The following EPHA6 variants were observed in gnomAD, a reference collection of about 807,000 sequenced individuals.
EPHA6 encodes the protein ephrin type-A receptor 6.
In EPHA6, 50 loss-of-function variants were observed where a neutral mutation model predicts 112.0. The observed-to-expected ratio is 0.45, with a 90% CI of 0.36 to 0.56. The LOEUF is 0.56. Ranked by LOEUF, EPHA6 falls within the 20% of genes least tolerant of loss-of-function variation. EPHA6 has a pLI of 0.00. For missense variants in EPHA6, 1,280 were observed against 1,417.4 expected (o/e 0.90, Z 1.56); for synonymous variants, 529 against 490.7 (o/e 1.08, Z -1.03).
At chr3:97,476,168 G>C (rs1361747299) in intron 8 of EPHA6, among the ~76,000 whole-genome samples, 1 of 152,020 alleles carries the variant, frequency 6.6e-6, no homozygotes, top group African/African-American at 2.4e-5. Flanking sequence ...AAGAATAAAT[G>C]TTATTTCTTA....
At chr3:96,991,053 G>A (rs950033903) in intron 3 of EPHA6, among the ~76,000 whole-genome samples, 5 of 151,658 alleles carry the variant, frequency 3.3e-5, no homozygotes, top group African/African-American at 1.2e-4. Flanking sequence ...GCACTGGTGC[G>A]ACCATAGCTC....
intron 3 of EPHA6, among the ~76,000 whole-genome samples, chr3:96,994,499 A>G (rs1262602717): frequency 6.6e-6 from 1 of 151,948 alleles, no homozygotes; most frequent in Non-Finnish European, 1.5e-5. Context: ...GCACTATGGA[A>G]GAAATAATTG....
intron 4 of EPHA6, among the ~76,000 whole-genome samples, chr3:97,243,481 G>A (rs1357702251): frequency 6.6e-6 from 1 of 151,750 alleles, no homozygotes; most frequent in African/African-American, 2.4e-5. Context: ...ATTTTCGGAG[G>A]TGATGAATGG....
intron 2 of EPHA6, among the ~76,000 whole-genome samples, chr3:96,877,648 G>A (rs1184161398): frequency 6.6e-6 from 1 of 150,686 alleles, no homozygotes; most frequent in Non-Finnish European, 1.5e-5. Flanking sequence ...GGCGTTAAAT[G>A]TTAAATAGGT....
intron 2 of EPHA6, among the ~76,000 whole-genome samples, chr3:96,981,297 A>G (rs13158228): frequency 6.6e-6 from 1 of 152,118 alleles, no homozygotes; most frequent in African/African-American, 2.4e-5. Context: ...TTCTGCATCT[A>G]TTGAGATAAT....
chr3:97,629,402 C>T (rs1301575531), intron 13 of EPHA6, among the ~76,000 whole-genome samples: 1 of 151,904 alleles, frequency 6.6e-6, no homozygotes, highest in Non-Finnish European at 1.5e-5. Flanking sequence ...TATATGAGAG[C>T]ATGGTGTGCT....
intron 6 of EPHA6, 123 bp downstream of exon 6, chr3:97,405,397 AC>A: frequency 1.3e-6 from 1 of 761,484 alleles, no homozygotes; most frequent in Non-Finnish European, 2.0e-6. Flanking sequence ...CTAGCCTCAT[AC>A]CTTCTGTTTC....
chr3:97,359,435 C>T (rs2084251471), intron 5 of EPHA6, among the ~76,000 whole-genome samples: 1 of 149,650 alleles, frequency 6.7e-6, no homozygotes, highest in African/African-American at 2.4e-5. Context: ...TTGATATTTC[C>T]ATTTTGTTCA....
At chr3:97,399,953 G>A (rs939195481) in intron 5 of EPHA6, among the ~76,000 whole-genome samples, 1 of 151,396 alleles carries the variant, frequency 6.6e-6, no homozygotes, top group African/African-American at 2.4e-5. Context: ...AATCTCGTTT[G>A]TCTATTTTTG....
chr3:97,692,860 T>C (rs2032762470), intron 14 of EPHA6, among the ~76,000 whole-genome samples: 1 of 152,190 alleles, frequency 6.6e-6, no homozygotes, highest in African/African-American at 2.4e-5. Context: ...TACCCATAGA[T>C]CATTATCCTG....
At chr3:97,392,034 T>C (rs1326910695) in intron 5 of EPHA6, among the ~76,000 whole-genome samples, 2 of 151,862 alleles carry the variant, frequency 1.3e-5, no homozygotes, top group East Asian at 3.9e-4. Flanking sequence ...TTGAAGCCAA[T>C]GGTCTTTTAG....
chr3:97,155,492 A>C (rs2076268771), intron 3 of EPHA6, among the ~76,000 whole-genome samples: 1 of 152,230 alleles, frequency 6.6e-6, no homozygotes, highest in Non-Finnish European at 1.5e-5. Context: ...GTTGCATAAC[A>C]GATAATCACC....
intron 1 of EPHA6, among the ~76,000 whole-genome samples, chr3:96,822,384 T>C (rs2033328254): frequency 6.6e-6 from 1 of 151,880 alleles, no homozygotes; most frequent in African/African-American, 2.4e-5. Context: ...TGAAAGTGTG[T>C]ATTTTCACTC....
chr3:97,660,030 C>G (rs1401933876), intron 14 of EPHA6, among the ~76,000 whole-genome samples: 1 of 151,996 alleles, frequency 6.6e-6, no homozygotes, highest in Non-Finnish European at 1.5e-5. Context: ...ATAAGGAAAT[C>G]TCAAGAACAG....
chr3:97,540,420 T>G (rs2092832796), intron 11 of EPHA6, among the ~76,000 whole-genome samples: 1 of 152,240 alleles, frequency 6.6e-6, no homozygotes. Flanking sequence ...TTGGAATCAC[T>G]GGCTTATTTT....
At chr3:97,488,586 A>T (rs1394590097) in intron 10 of EPHA6, among the ~76,000 whole-genome samples, 1 of 152,120 alleles carries the variant, frequency 6.6e-6, no homozygotes, top group Non-Finnish European at 1.5e-5. Flanking sequence ...TGTCTTTTAC[A>T]CTTGTGTTAT....
At chr3:97,057,162 G>A (rs1437528609) in intron 3 of EPHA6, among the ~76,000 whole-genome samples, 1 of 152,116 alleles carries the variant, frequency 6.6e-6, no homozygotes, top group Non-Finnish European at 1.5e-5. Flanking sequence ...TACTTTGGTT[G>A]CCGGGGATAT....
chr3:97,553,611 A>G (rs934510701), intron 11 of EPHA6, among the ~76,000 whole-genome samples: 1 of 152,080 alleles, frequency 6.6e-6, no homozygotes, highest in Admixed American at 6.6e-5. Context: ...CACTATCAAG[A>G]GAACAGCATG....
At chr3:96,956,823 C>T (rs1007641907) in intron 2 of EPHA6, among the ~76,000 whole-genome samples, 23 of 151,830 alleles carry the variant, frequency 1.5e-4, no homozygotes, top group African/African-American at 3.4e-4. Flanking sequence ...TCACGAGGTC[C>T]GGAGTTCGAG....
Sources: gnomAD v4.1 joint callset for allele counts (sites outside exome capture counted in the v4.1 genomes callset) on GRCh38, gnomAD v4.1.1 for gene constraint, MANE v1.5 for transcripts, NCBI Gene and HGNC (gene_info 2026-07-23, HGNC 2026-07-21) for gene names.